Variants in PBRM1 observed in about 807,000 individuals in gnomAD.
PBRM1 encodes the protein protein polybromo-1.
PBRM1 carries 27 observed loss-of-function variants against 194.5 expected under a neutral mutation model. The ratio of observed to expected loss-of-function variants is 0.14; its 90% CI spans 0.10 to 0.19. The LOEUF (loss-of-function observed/expected upper bound fraction) is 0.19. Among genes scored for constraint, PBRM1 ranks in the 10% least tolerant of loss-of-function variants. The pLI is 1.00. For synonymous variants in PBRM1, 655 were observed against 693.2 expected (o/e 0.94, Z 0.87); for missense variants, 1,466 against 2,077.2 (o/e 0.71, Z 5.72).
chr3:52,636,117 C>T (rs1269072511), intron 10 of PBRM1, among the ~76,000 whole-genome samples: 3 of 151,728 alleles, frequency 2.0e-5, no homozygotes, highest in Admixed American at 6.6e-5. Context: ...GTGATCTGCC[C>T]GCCTCGGCCT....
At chr3:52,651,602 A>G (rs1434464525) in intron 6 of PBRM1, 140 bp downstream of exon 7, 1 of 431,324 alleles carries the variant, frequency 2.3e-6, no homozygotes, top group Non-Finnish European at 4.2e-6. Context: ...AATCAGTAAC[A>G]CTATTTTAAT....
chr3:52,564,302 T>G, intron 22 of PBRM1, 69 bp from the exon 25 acceptor site: 1 of 1,131,218 alleles, frequency 8.8e-7, no homozygotes, highest in Non-Finnish European at 1.3e-6. Context: ...GTTTTAACAT[T>G]TTATTATTTT....
chr3:52,609,113 A>G lies in PBRM1; in HGVS notation c.2567+200T>C. On this transcript the variant is annotated intron_variant, in intron 16 of 29. Coordinates refer to ENST00000296302, the Ensembl canonical transcript of PBRM1. This position sits in a 1 kb window ranked among gnomAD's most constrained non-coding sequence, Gnocchi z 4.1. ...TTCCTCCTCACTGGCCTTAAACTAGATGACTTAGTGGTGTGCCTTCTCTCC... is the reference window on the plus strand; with the variant it reads ...TTCCTCCTCACTGGCCTTAAACTAGGTGACTTAGTGGTGTGCCTTCTCTCC... 1 of 501,742 alleles carries G rather than the reference A, an allele frequency of 2.0e-6. No individual in the cohort carries two copies. Among genetic ancestry groups the G allele is most frequent in the Non-Finnish European group, 3.5e-6 (1 of 286,076 alleles). 31.1% of individuals were successfully genotyped at this position (501,742 alleles called of 1,614,324 possible). A position where few individuals can be genotyped will look rare whatever the true frequency, so the allele number is the denominator to read the frequency against.
intron 7 of PBRM1, among the ~76,000 whole-genome samples, chr3:52,645,977 T>C (rs986992959): frequency 1.3e-5 from 2 of 152,204 alleles, no homozygotes; most frequent in Admixed American, 6.5e-5. Flanking sequence ...AAAATACAGA[T>C]GCACTTCTAA....
At chr3:52,648,516 C>T in intron 6 of PBRM1, 74 bp from the exon 8 acceptor site, 2 of 741,168 alleles carry the variant, frequency 2.7e-6, no homozygotes, top group East Asian at 5.4e-5. Flanking sequence ...AAAAGAACCC[C>T]ACATATTTCT....
At chr3:52,574,673 G>GGCT (rs1360732732) in intron 22 of PBRM1, among the ~76,000 whole-genome samples, 2 of 152,124 alleles carry the variant, frequency 1.3e-5, no homozygotes, top group Admixed American at 1.3e-4. Context: ...TCTCATTTCT[G>GGCT]GCTGACCTTC....
At chr3:52,578,957 G>C (rs904162300) in intron 21 of PBRM1, 97 bp downstream of exon 23, 1 of 1,133,634 alleles carries the variant, frequency 8.8e-7, no homozygotes, top group Non-Finnish European at 1.3e-6. Context: ...AAACTGCCAG[G>C]GGAAGGACTT....
intron 13 of PBRM1, among the ~76,000 whole-genome samples, chr3:52,626,846 G>A (rs1209836525): frequency 6.6e-6 from 1 of 152,068 alleles, no homozygotes; most frequent in Non-Finnish European, 1.5e-5. Context: ...AGGTGAACAA[G>A]GACAAACAAA....
intron 2 of PBRM1, 68 bp downstream of exon 3, chr3:52,678,432 A>C (rs1578349460): frequency 9.7e-7 from 1 of 1,032,470 alleles, no homozygotes. Context: ...CTCAATTTCC[A>C]AACACTTTAA....
At chr3:52,622,335 C>T (rs573514577) in intron 13 of PBRM1, among the ~76,000 whole-genome samples, 14 of 141,120 alleles carry the variant, frequency 9.9e-5, no homozygotes, top group African/African-American at 3.5e-4. Flanking sequence ...GAGACTCCAT[C>T]TCAAAAAAAT....
At chr3:52,558,100 G>T in intron 26 of PBRM1, 149 bp downstream of exon 28, 1 of 569,984 alleles carries the variant, frequency 1.8e-6, no homozygotes, top group Non-Finnish European at 3.0e-6. Context: ...GCCCATATGG[G>T]AAAGGCAATA....
chr3:52,574,194 G>C (rs1480414511), intron 22 of PBRM1, among the ~76,000 whole-genome samples: 3 of 152,230 alleles, frequency 2.0e-5, no homozygotes, highest in African/African-American at 7.2e-5. Context: ...CATCTGGCAA[G>C]GGCTTTCTTG....
At chr3:52,557,152 C>T (rs955989184) in intron 26 of PBRM1, among the ~76,000 whole-genome samples, 7 of 151,990 alleles carry the variant, frequency 4.6e-5, no homozygotes, top group African/African-American at 9.7e-5. Flanking sequence ...ATAGAGCAGG[C>T]GATTATGAGA....
intron 29 of PBRM1, among the ~76,000 whole-genome samples, chr3:52,549,302 G>A (rs967938220): frequency 2.0e-5 from 3 of 152,110 alleles, no homozygotes; most frequent in Non-Finnish European, 4.4e-5. Flanking sequence ...TTACAGGCGT[G>A]AGCCACCGCT....
chr3:52,684,666 A>G (rs2097280824), upstream of PBRM1, among the ~76,000 whole-genome samples: 1 of 152,198 alleles, frequency 6.6e-6, no homozygotes, highest in Admixed American at 6.5e-5. Flanking sequence ...CCAAGTCAAC[A>G]TTCTTCCTCA....
intron 20 of PBRM1, among the ~76,000 whole-genome samples, chr3:52,581,228 G>T (rs2091078742): frequency 6.6e-6 from 1 of 152,212 alleles, no homozygotes; most frequent in Admixed American, 6.5e-5. Flanking sequence ...AATGAGGGAA[G>T]GCCGGGAGTG....
intron 10 of PBRM1, among the ~76,000 whole-genome samples, chr3:52,636,757 CAAAAAAAA>C (rs567776784): frequency 1.6e-3 from 29 of 18,676 alleles, no homozygotes; most frequent in South Asian, 0.01. Context: ...ACTCTGTCTC[CAAAAAAAA>C]AAAAAAAAAA....
intron 17 of PBRM1, among the ~76,000 whole-genome samples, chr3:52,598,952 G>A (rs1455933287): frequency 6.6e-5 from 10 of 151,262 alleles, no homozygotes; most frequent in African/African-American, 2.4e-4. Context: ...AACCTGGGAG[G>A]CAGAGGCTGC....
intron 20 of PBRM1, chr3:52,586,222 A>C (rs1258479426): frequency 4.1e-6 from 2 of 482,302 alleles, no homozygotes; most frequent in African/African-American, 1.9e-5. Flanking sequence ...GCGTGAACCA[A>C]TGCACTTGGC....
Sources: allele counts gnomAD v4.1 joint callset (sites outside exome capture counted in the v4.1 genomes callset), GRCh38; gene constraint gnomAD v4.1.1; non-coding constraint Gnocchi (gnomAD v3.1); transcripts MANE v1.5; gene names NCBI Gene and HGNC (gene_info 2026-07-23, HGNC 2026-07-21).